Variants in SHC4 observed in about 807,000 individuals in gnomAD.
SHC4 encodes SHC-transforming protein 4.
In SHC4, 41 loss-of-function variants were observed where a neutral mutation model predicts 69.4. The observed-to-expected ratio is 0.59, with a 90% confidence interval of 0.46 to 0.77. The LOEUF is 0.77. Among genes scored for constraint, SHC4 ranks in the 30% least tolerant of loss-of-function variants. The pLI is 0.00. For synonymous variants in SHC4, 318 were observed against 299.3 expected (o/e 1.06, Z -0.64); for missense variants, 777 against 783.8 (o/e 0.99, Z 0.10).
Position 48,848,911 on chromosome 15 carries a change from ATT to A in SHC4, c.1303+2275_1303+2276del, listed in dbSNP as rs1456678683. ...CATGTCCCCTTTTTCTAGTGGTAGTATTGTGATTTAGCCCATTCAACATAATT... is the reference window on the plus strand; with the variant it reads ...CATGTCCCCTTTTTCTAGTGGTAGTAGTGATTTAGCCCATTCAACATAATT... On this transcript the variant is annotated intron_variant, in intron 9 of 11. Transcript: ENST00000332408. 4.6e-5 allele frequency among the ~76,000 whole-genome samples: 7 copies of A among 152,088 alleles called. No homozygotes were observed. In the East Asian group the frequency reaches 1.4e-3, roughly 30 times the overall value.
intron 1 of SHC4, among the ~76,000 whole-genome samples, chr15:48,960,362 C>T (rs1028637570): frequency 6.6e-6 from 1 of 152,050 alleles, no homozygotes; most frequent in African/African-American, 2.4e-5. Flanking sequence ...TGCAGAGAGC[C>T]CAGGTTTGGA....
chr15:48,835,209 G>C (rs1898877809), intron 10 of SHC4, among the ~76,000 whole-genome samples, 187 bp from the exon 11 acceptor site: 1 of 152,188 alleles, frequency 6.6e-6, no homozygotes, highest in African/African-American at 2.4e-5. Flanking sequence ...TTTAATGGTA[G>C]ATCCAAACAT....
At chr15:48,880,799 T>A (rs1425187070) in intron 4 of SHC4, among the ~76,000 whole-genome samples, 4 of 152,068 alleles carry the variant, frequency 2.6e-5, no homozygotes, top group Non-Finnish European at 2.9e-5. Flanking sequence ...GGGTGTAAAA[T>A]TATTTGTGTT....
chr15:48,880,231 T>C (rs1450733498), intron 4 of SHC4: 1 of 166,666 alleles, frequency 6.0e-6, no homozygotes, highest in African/African-American at 2.4e-5. Flanking sequence ...GGGAGAGAGA[T>C]CTGTAAAAGA....
intron 6 of SHC4, among the ~76,000 whole-genome samples, chr15:48,860,166 T>A (rs1254999376): frequency 6.6e-6 from 1 of 151,908 alleles, no homozygotes; most frequent in East Asian, 1.9e-4. Flanking sequence ...ACTTTTTTTT[T>A]AAAGAAAAGG....
chr15:48,848,424 A>G (rs1397625554), intron 9 of SHC4, among the ~76,000 whole-genome samples: 1 of 152,244 alleles, frequency 6.6e-6, no homozygotes, highest in Non-Finnish European at 1.5e-5. Flanking sequence ...TACAGCCACC[A>G]TTAACAAAGG....
intron 1 of SHC4, among the ~76,000 whole-genome samples, chr15:48,942,615 A>T (rs1901195853): frequency 6.6e-6 from 1 of 152,180 alleles, no homozygotes; most frequent in African/African-American, 2.4e-5. Context: ...TATTTTTTAC[A>T]TTGCTTGAAG....
At chr15:48,933,672 T>A (rs777633203) in intron 1 of SHC4, among the ~76,000 whole-genome samples, 5 of 152,162 alleles carry the variant, frequency 3.3e-5, no homozygotes, top group African/African-American at 1.2e-4. Flanking sequence ...AGAACAAAGT[T>A]AGAGAATCCG....
intron 1 of SHC4, among the ~76,000 whole-genome samples, chr15:48,960,498 C>A (rs1050144349): frequency 6.6e-6 from 1 of 152,118 alleles, no homozygotes; most frequent in African/African-American, 2.4e-5. Context: ...TGGGTGAGGG[C>A]GAGAGCTGCA....
intron 6 of SHC4, among the ~76,000 whole-genome samples, chr15:48,866,010 A>T (rs2140989708): frequency 6.6e-6 from 1 of 152,332 alleles, no homozygotes; most frequent in South Asian, 2.1e-4. Context: ...TCATTTACTT[A>T]AGAGCAATGA....
intron 2 of SHC4, among the ~76,000 whole-genome samples, chr15:48,914,589 T>C (rs1252519213): frequency 6.6e-6 from 1 of 152,204 alleles, no homozygotes; most frequent in Non-Finnish European, 1.5e-5. Flanking sequence ...AAATTCTCTT[T>C]GCTGTATGAC....
chr15:48,901,726 A>G (rs1900321509), intron 2 of SHC4, among the ~76,000 whole-genome samples: 1 of 152,246 alleles, frequency 6.6e-6, no homozygotes, highest in South Asian at 2.1e-4. Flanking sequence ...CTCTGCAGTT[A>G]GCCAGAGTTC....
At chr15:48,953,474 T>C (rs1457932857) in intron 1 of SHC4, among the ~76,000 whole-genome samples, 1 of 152,112 alleles carries the variant, frequency 6.6e-6, no homozygotes, top group Non-Finnish European at 1.5e-5. Context: ...CATGTTGGAC[T>C]CCCATTTCAA....
chr15:48,923,848 C>T (rs538326394), intron 2 of SHC4, among the ~76,000 whole-genome samples: 95 of 151,846 alleles, frequency 6.3e-4, no homozygotes, highest in African/African-American at 2.2e-3. Context: ...ACTATGTTGC[C>T]CTGGCTGGTC....
At chr15:48,843,696 C>G in intron 9 of SHC4, 108 bp from the exon 10 acceptor site, 1 of 973,142 alleles carries the variant, frequency 1.0e-6, no homozygotes. Context: ...ATGCCCCACC[C>G]TATACAATGA....
intron 2 of SHC4, among the ~76,000 whole-genome samples, chr15:48,895,028 C>T (rs1242415208): frequency 6.6e-6 from 1 of 150,838 alleles, no homozygotes; most frequent in Admixed American, 6.6e-5. Flanking sequence ...TGGTCTTGAA[C>T]TCCTGGGCTC....
Position 48,834,921 on chromosome 15 carries a change from C to G in SHC4, c.1585G>C (p.Gly529Arg). 1 of 1,614,008 alleles carries G rather than the reference C, an allele frequency of 6.2e-7. No homozygotes were observed. The highest frequency in any genetic ancestry group is 8.5e-7 in the Non-Finnish European group (1 of 1,179,968). The change falls in exon 11 of 12, where the codon GGC becomes CGC. Residue 529 changes from glycine (G) to arginine (R), a missense_variant. By Grantham distance (125) the Gly-to-Arg change is moderately radical. Coordinates refer to ENST00000332408, the MANE Select transcript of SHC4 (RefSeq NM_203349.4). ...TCTGCCGCCTTCCTGCTCAGCTTGC[C>G]ATGATAGCATTCTTCGCTCCACAGC... ...QQLWSEECYH[G>R]KLSRKAAESL...
chr15:48,876,497 A>G, intron 4 of SHC4: 1 of 514,520 alleles, frequency 1.9e-6, no homozygotes, highest in South Asian at 3.2e-5. Flanking sequence ...ATACATATAC[A>G]CATATATATG....
Position 48,962,810 on chromosome 15 carries a change from G to A in SHC4, c.206C>T (p.Thr69Ile), listed in dbSNP as rs753411133. The A allele has an allele frequency of 6.2e-7, 1 of 1,612,646 alleles. No homozygotes were observed. The change falls in exon 1 of 12, where the codon ACT becomes ATT. Residue 69 changes from threonine (T) to isoleucine (I), a missense_variant. Coordinates refer to ENST00000332408, the MANE Select transcript of SHC4 (RefSeq NM_203349.4). Reference sequence around the variant, plus strand: ...CTGCGACGGCAAGGTGGCATCTTCAGTCGGCAGGTGAGGTGCCAGGGCGGG... The same window carrying A: ...CTGCGACGGCAAGGTGGCATCTTCAATCGGCAGGTGAGGTGCCAGGGCGGG... ...PHPALAPHLPTEDATLPSQES... is the reference protein window; with the variant it reads ...PHPALAPHLPIEDATLPSQES...
Sources: allele counts gnomAD v4.1 joint callset (sites outside exome capture counted in the v4.1 genomes callset), GRCh38; gene constraint gnomAD v4.1.1; transcripts MANE v1.5; gene names NCBI Gene and HGNC (gene_info 2026-07-23, HGNC 2026-07-21).